The following ZNF714 variants were observed in gnomAD, a reference collection of about 807,000 sequenced individuals.
The protein encoded by ZNF714 is zinc finger protein 714.
In ZNF714, 32 loss-of-function variants were observed where a neutral mutation model predicts 46.2. The observed-to-expected ratio is 0.69, with a 90% CI of 0.52 to 0.93. The LOEUF is 0.93. ZNF714 is among the 40% of genes least tolerant of loss of function. The pLI is 0.00. For synonymous variants in ZNF714, 199 were observed against 213.1 expected, an observed-to-expected ratio of 0.93 and a Z score of 0.58; for missense variants, 635 against 646.3, an observed-to-expected ratio of 0.98 and a Z score of 0.19.
Position 21,118,451 on chromosome 19 carries a change from CAA to C in ZNF714, c.*135_*136del, listed in dbSNP as rs71176814. 8,097 of 164,898 alleles carry C rather than the reference CAA, an allele frequency of 0.049. No individual in the cohort carries two copies. Among genetic ancestry groups the C allele is most frequent in the Middle Eastern group, 0.083 (34 of 410 alleles). 10.2% of individuals were successfully genotyped at this position (164,898 alleles called of 1,614,324 possible). ...TGGGCCACAAGGCAAGACTCTGTCT[CAA>C]AAAAAAAAAAAAAAAGAAAAGAAAA... On this transcript the variant is annotated 3_prime_UTR_variant, in exon 5 of 5. Coordinates refer to ENST00000456283, the MANE Select transcript of ZNF714 (RefSeq NM_182515.4).
At chr19:21,107,249 T>A (rs978791474) in intron 4 of ZNF714, among the ~76,000 whole-genome samples, 1 of 152,128 alleles carries the variant, frequency 6.6e-6, no homozygotes, top group Non-Finnish European at 1.5e-5. Flanking sequence ...TTCTTTCTTT[T>A]TTTTTTTGAG....
At chr19:21,093,197 C>CAAAAAA (rs1568274165) in intron 2 of ZNF714, among the ~76,000 whole-genome samples, 6 of 151,868 alleles carry the variant, frequency 4.0e-5, no homozygotes, top group Non-Finnish European at 7.4e-5. Flanking sequence ...AGCCACCATA[C>CAAAAAA]CTGGCCTTGC....
intron 4 of ZNF714, among the ~76,000 whole-genome samples, chr19:21,113,836 A>T (rs1291532275): frequency 1.3e-5 from 2 of 152,054 alleles, no homozygotes; most frequent in Non-Finnish European, 2.9e-5. Flanking sequence ...AGTAAGTGCC[A>T]TGTGGAACTT....
chr19:21,083,217 G>GT (rs1968698923), intron 1 of ZNF714, among the ~76,000 whole-genome samples: 1 of 152,070 alleles, frequency 6.6e-6, no homozygotes, highest in Non-Finnish European at 1.5e-5. Context: ...TGTGGTTTTA[G>GT]TAGAGACGGG....
At chr19:21,098,959 T>TTA (rs1969107144) in intron 4 of ZNF714, 49 bp downstream of exon 4, 5 of 679,188 alleles carry the variant, frequency 7.4e-6, no homozygotes, top group Non-Finnish European at 8.9e-6. Context: ...GGTACAAAGG[T>TTA]AAAAAAAAAA....
intron 4 of ZNF714, among the ~76,000 whole-genome samples, chr19:21,112,439 C>A (rs899178580): frequency 1.3e-5 from 2 of 151,596 alleles, no homozygotes; most frequent in Non-Finnish European, 2.9e-5. Flanking sequence ...TGGTGATATC[C>A]CCTTTATCAT....
intron 4 of ZNF714, among the ~76,000 whole-genome samples, chr19:21,099,173 T>G (rs1358139602): frequency 1.3e-5 from 2 of 152,032 alleles, no homozygotes; most frequent in Non-Finnish European, 2.9e-5. Flanking sequence ...TGTTTTTTTT[T>G]GTTTTGTTTT....
At chr19:21,084,250 C>A (rs1332129718) in intron 2 of ZNF714, among the ~76,000 whole-genome samples, 181 bp downstream of exon 2, 1 of 150,084 alleles carries the variant, frequency 6.7e-6, no homozygotes, top group Non-Finnish European at 1.5e-5. Flanking sequence ...AAAAATCAAG[C>A]AAACAAACAA....
In ZNF714 at chr19:21,122,846, A is replaced by G. The variant is rs1022861429; in HGVS notation, c.*4514A>G. ...ACTGGTGAGTTCGCTTATCAATATA[A>G]CATTCAGATTAGTTAATTAAGATAA... On this transcript the variant is annotated 3_prime_UTR_variant, in exon 5 of 5. Transcript: ENST00000456283. 1 of 152,108 alleles carries G rather than the reference A, an allele frequency of 6.6e-6. No individual in the cohort carries two copies. Among genetic ancestry groups the G allele is most frequent in the African/African-American group, 2.4e-5 (1 of 41,414 alleles). 9.4% of individuals were successfully genotyped at this position (152,108 alleles called of 1,614,324 possible).
At chr19:21,106,204 G>A (rs1056181596) in intron 4 of ZNF714, among the ~76,000 whole-genome samples, 2 of 151,932 alleles carry the variant, frequency 1.3e-5, no homozygotes, top group Non-Finnish European at 2.9e-5. Flanking sequence ...TCAGTGAGCC[G>A]AGGTCGCACC....
At chr19:21,109,318 A>C (rs1969393932) in intron 4 of ZNF714, among the ~76,000 whole-genome samples, 1 of 152,112 alleles carries the variant, frequency 6.6e-6, no homozygotes, top group African/African-American at 2.4e-5. Flanking sequence ...TCCCAAACTC[A>C]GATGATCTCA....
chr19:21,089,800 A>T (rs34179128), intron 2 of ZNF714, among the ~76,000 whole-genome samples: 89,508 of 134,134 alleles, frequency 0.67, 34,493 homozygotes, highest in Middle Eastern at 0.88. Context: ...TGCATCTCCA[A>T]ATTAATTAGA....
chr19:21,094,809 C>T (rs1968999618), intron 2 of ZNF714, among the ~76,000 whole-genome samples: 1 of 152,130 alleles, frequency 6.6e-6, no homozygotes, highest in African/African-American at 2.4e-5. Context: ...TTACCGCACC[C>T]AGCCTGTTAC....
chr19:21,105,684 G>T (rs1969293854), intron 4 of ZNF714, among the ~76,000 whole-genome samples: 1 of 152,126 alleles, frequency 6.6e-6, no homozygotes, highest in African/African-American at 2.4e-5. Context: ...GCCAGGCGCA[G>T]TGGCTCATGC....
chr19:21,098,917 G>A lies in ZNF714; in HGVS notation c.142+7G>A. On this transcript the variant is annotated splice_region_variant and intron_variant, in intron 4 of 4. Transcript: ENST00000456283. The stretch of plus-strand genomic sequence containing the variant: ...ATGGTGGATGAATCCCCAGGTAGGT[G>A]AGAGTGAACACAACAGATGACACAG... 1 of 1,544,852 alleles carries A rather than the reference G, an allele frequency of 6.5e-7. No homozygotes were observed. The highest frequency in any genetic ancestry group is 8.9e-7 in the Non-Finnish European group (1 of 1,125,746).
At chr19:21,098,440 TTGA>T (rs1969094533) in intron 3 of ZNF714, 129 bp downstream of exon 3, 1 of 1,184,050 alleles carries the variant, frequency 8.4e-7, no homozygotes, top group Admixed American at 2.7e-5. Flanking sequence ...CAAGAAAATC[TTGA>T]TGATTTGTCT....
intron 4 of ZNF714, among the ~76,000 whole-genome samples, chr19:21,101,986 G>C (rs1357230067): frequency 6.6e-6 from 1 of 152,150 alleles, no homozygotes; most frequent in East Asian, 1.9e-4. Flanking sequence ...TTGGGAGATG[G>C]GATCTTGTTT....
At chr19:21,103,157 T>C (rs922619783) in intron 4 of ZNF714, among the ~76,000 whole-genome samples, 2 of 151,938 alleles carry the variant, frequency 1.3e-5, no homozygotes, top group African/African-American at 4.8e-5. Flanking sequence ...ATATATTTCC[T>C]TTGTGTGAGA....
At chr19:21,095,268 C>T (rs1168194083) in intron 2 of ZNF714, among the ~76,000 whole-genome samples, 2 of 152,116 alleles carry the variant, frequency 1.3e-5, no homozygotes, top group Non-Finnish European at 2.9e-5. Context: ...TCCTAGGTTC[C>T]TATTCCCATT....
Sources: gnomAD v4.1 joint callset for allele counts (sites outside exome capture counted in the v4.1 genomes callset) on GRCh38, gnomAD v4.1.1 for gene constraint, MANE v1.5 for transcripts, NCBI Gene and HGNC (gene_info 2026-07-23, HGNC 2026-07-21) for gene names.